The following GPM6A variants were observed in gnomAD, a reference collection of about 807,000 sequenced individuals.
GPM6A encodes glycoprotein M6A, also known as neuronal membrane glycoprotein M6-a.
GPM6A carries 7 observed loss-of-function variants against 32.1 expected under a neutral mutation model. The ratio of observed to expected loss-of-function variants is 0.22; its 90% CI spans 0.12 to 0.41. GPM6A has a LOEUF of 0.41. GPM6A is among the 10% of genes least tolerant of loss of function. The pLI, the probability that GPM6A is intolerant of heterozygous loss-of-function variation, is 1.00. For missense variants in GPM6A, 235 were observed against 347.2 expected, an observed-to-expected ratio of 0.68 and a Z score of 2.57; for synonymous variants, 130 against 123.4, an observed-to-expected ratio of 1.05 and a Z score of -0.35.
At chr4:175,637,625 TTATA>T (rs59303387) in intron 6 of GPM6A, among the ~76,000 whole-genome samples, 7 of 55,872 alleles carry the variant, frequency 1.3e-4, no homozygotes, top group Non-Finnish European at 1.7e-4. Flanking sequence ...ATAATATATA[TTATA>T]TATATATTAT....
chr4:175,749,394 T>C (rs2581757), intron 1 of GPM6A, among the ~76,000 whole-genome samples: 2,027 of 152,250 alleles, frequency 0.013, 42 homozygotes, highest in African/African-American at 0.046. Flanking sequence ...AAAAATGGTG[T>C]TAACAGACTT....
chr4:175,951,485 C>T (rs963799906), intron 1 of GPM6A, among the ~76,000 whole-genome samples: 21 of 152,192 alleles, frequency 1.4e-4, no homozygotes, highest in African/African-American at 4.8e-4. Context: ...ATTCCATCCT[C>T]ATTACCTCTG....
intron 2 of GPM6A, among the ~76,000 whole-genome samples, chr4:175,692,230 T>A (rs750865406): frequency 8.5e-5 from 13 of 152,186 alleles, no homozygotes; most frequent in Non-Finnish European, 1.3e-4. Context: ...TTGTTCTCAG[T>A]CTAGATTTCT....
At chr4:175,905,173 G>A (rs930814718) in intron 1 of GPM6A, among the ~76,000 whole-genome samples, 2 of 152,092 alleles carry the variant, frequency 1.3e-5, no homozygotes, top group African/African-American at 4.8e-5. Context: ...ATTGTGGGAA[G>A]GTAAATCTGT....
chr4:175,919,716 T>TAAATGGTC (rs1738605831), intron 1 of GPM6A, among the ~76,000 whole-genome samples: 1 of 152,206 alleles, frequency 6.6e-6, no homozygotes, highest in South Asian at 2.1e-4. Flanking sequence ...GACACACTCC[T>TAAATGGTC]AAATGGTCAC....
chr4:175,731,985 G>A (rs1172682595), intron 1 of GPM6A, among the ~76,000 whole-genome samples: 6 of 43,818 alleles, frequency 1.4e-4, no homozygotes, highest in Non-Finnish European at 3.0e-4. Context: ...TTTTTTTTTC[G>A]TGACAGAGTG....
chr4:175,789,981 C>A (rs574216333), intron 1 of GPM6A, among the ~76,000 whole-genome samples: 2 of 152,284 alleles, frequency 1.3e-5, no homozygotes, highest in African/African-American at 4.8e-5. Flanking sequence ...TAATAACATC[C>A]TTAATACTGT....
chr4:175,990,775 G>C (rs1332628357), intron 1 of GPM6A, among the ~76,000 whole-genome samples: 2 of 151,754 alleles, frequency 1.3e-5, no homozygotes, highest in Admixed American at 6.6e-5. Context: ...GACATTTCTT[G>C]AGTTGAGTAT....
intron 1 of GPM6A, among the ~76,000 whole-genome samples, chr4:175,769,071 G>A (rs527785129): frequency 4.0e-4 from 61 of 152,190 alleles, no homozygotes; most frequent in Admixed American, 1.6e-3. Flanking sequence ...CTCCAGCCTG[G>A]GCAGCAGAGT....
chr4:175,919,070 C>T (rs375171714), intron 1 of GPM6A, among the ~76,000 whole-genome samples: 13 of 152,190 alleles, frequency 8.5e-5, no homozygotes, highest in South Asian at 6.2e-4. Context: ...TTTATCATTA[C>T]GATAAGATAG....
At chr4:175,670,023 C>T (rs1046219453) in intron 3 of GPM6A, among the ~76,000 whole-genome samples, 17 of 151,666 alleles carry the variant, frequency 1.1e-4, no homozygotes, top group Admixed American at 4.6e-4. Context: ...AAAATCAACC[C>T]GGTGACACTT....
intron 1 of GPM6A, among the ~76,000 whole-genome samples, chr4:175,991,073 TTC>T (rs1383056823): frequency 7.3e-6 from 1 of 137,846 alleles, no homozygotes; most frequent in East Asian, 2.2e-4. Flanking sequence ...TTATCTTTCT[TTC>T]TTTTTTTTTT....
chr4:175,923,726 G>C (rs71613766), intron 1 of GPM6A, among the ~76,000 whole-genome samples: 20 of 151,864 alleles, frequency 1.3e-4, no homozygotes, highest in Middle Eastern at 3.4e-3. Flanking sequence ...GCTAATTTTT[G>C]TATTTTTTGT....
intron 1 of GPM6A, among the ~76,000 whole-genome samples, chr4:175,902,104 T>C (rs1000211784): frequency 1.3e-5 from 2 of 152,070 alleles, no homozygotes; most frequent in African/African-American, 2.4e-5. Context: ...CAAAAGTCCA[T>C]CAGCAAAAGG....
At chr4:175,864,035 A>T (rs1472530626) in intron 1 of GPM6A, among the ~76,000 whole-genome samples, 1 of 152,168 alleles carries the variant, frequency 6.6e-6, no homozygotes, top group African/African-American at 2.4e-5. Flanking sequence ...CATTTTATCA[A>T]TACCATTGCC....
At chr4:175,949,953 T>C (rs1230538964) in intron 1 of GPM6A, among the ~76,000 whole-genome samples, 3 of 152,144 alleles carry the variant, frequency 2.0e-5, no homozygotes, top group Non-Finnish European at 2.9e-5. Flanking sequence ...TACAAGTTCA[T>C]GAGTGAAGAA....
chr4:175,636,651 C>T (rs1740633739), intron 6 of GPM6A, among the ~76,000 whole-genome samples: 1 of 150,700 alleles, frequency 6.6e-6, no homozygotes, highest in Non-Finnish European at 1.5e-5. Flanking sequence ...CAAAACGTAG[C>T]TGGGTGTGGT....
At chr4:176,001,551 A>C (rs1741481093) in intron 1 of GPM6A, among the ~76,000 whole-genome samples, 1 of 152,090 alleles carries the variant, frequency 6.6e-6, no homozygotes, top group South Asian at 2.1e-4. Context: ...GAGCTATTCC[A>C]AGCTGCCTCC....
At chr4:175,696,699 C>A (rs1744599439) in intron 2 of GPM6A, among the ~76,000 whole-genome samples, 1 of 152,158 alleles carries the variant, frequency 6.6e-6, no homozygotes, top group South Asian at 2.1e-4. Flanking sequence ...TTGTCAACAA[C>A]CTAGTTCAGT....
Sources: allele counts gnomAD v4.1 joint callset (sites outside exome capture counted in the v4.1 genomes callset), GRCh38; gene constraint gnomAD v4.1.1; transcripts MANE v1.5; gene names NCBI Gene and HGNC (gene_info 2026-07-23, HGNC 2026-07-21).